GMDS: variants seen among roughly 807,000 people sequenced by gnomAD.
GMDS encodes the protein GDP-mannose 4,6 dehydratase.
Under a neutral mutation model 49.9 loss-of-function variants are expected in GMDS, and 20 were observed. The observed-to-expected ratio is 0.40, with a 90% CI of 0.28 to 0.58. GMDS has a LOEUF of 0.58. Ranked by LOEUF, GMDS falls within the 20% of genes least tolerant of loss-of-function variation. The probability of loss-of-function intolerance (pLI) is 0.42; values close to 1 mark genes in which losing one functional copy is unlikely to be tolerated. For missense variants in GMDS, 362 were observed against 481.4 expected (o/e 0.75, Z 2.32); for synonymous variants, 177 against 178.6 (o/e 0.99, Z 0.07).
At position 2,152,256 on chromosome 6, in the gene GMDS, C is replaced by A. The variant is rs563704761; in HGVS notation, c.103-27525G>T. ...TCTTTAAAATCAAATTGAATTCATT[C>A]AAGGCACTTTATAGGCCAATTTAAT... is the stretch of plus-strand genomic sequence containing the variant. On this transcript the variant is annotated intron_variant, in intron 1 of 10. Transcript: ENST00000380815. 3.4e-3 allele frequency among the ~76,000 whole-genome samples: 519 copies of A among 152,184 alleles called. 1 individual carries two copies. The highest frequency in any genetic ancestry group is 8.9e-3 in the South Asian group (43 of 4,816).
intron 7 of GMDS, among the ~76,000 whole-genome samples, chr6:1,916,815 T>C (rs2113893237): frequency 6.6e-6 from 1 of 152,142 alleles, no homozygotes; most frequent in East Asian, 1.9e-4. Context: ...ACAATGAGGC[T>C]TCTACTGCCA....
chr6:1,670,119 G>A (rs1338981003), intron 9 of GMDS, among the ~76,000 whole-genome samples: 1 of 151,906 alleles, frequency 6.6e-6, no homozygotes, highest in Non-Finnish European at 1.5e-5. Context: ...CCTCAAGTCA[G>A]AGCGCTGCGC....
chr6:2,138,584 T>C (rs557675134), intron 1 of GMDS, among the ~76,000 whole-genome samples: 9 of 152,222 alleles, frequency 5.9e-5, no homozygotes, highest in Middle Eastern at 3.4e-3. Flanking sequence ...TAGTGGGAGG[T>C]GTTTGAGACA....
At chr6:1,861,127 G>T (rs1758162805) in intron 7 of GMDS, among the ~76,000 whole-genome samples, 1 of 152,214 alleles carries the variant, frequency 6.6e-6, no homozygotes, top group African/African-American at 2.4e-5. Flanking sequence ...TTCTGAGCCA[G>T]ATCACTGGAG....
chr6:2,162,759 G>A (rs1170155672), intron 1 of GMDS, among the ~76,000 whole-genome samples: 1 of 150,744 alleles, frequency 6.6e-6, no homozygotes, highest in Non-Finnish European at 1.5e-5. Context: ...TGAGACCCAT[G>A]AGATAAGTAA....
chr6:1,953,888 T>C (rs1763493822), intron 6 of GMDS, among the ~76,000 whole-genome samples: 1 of 152,214 alleles, frequency 6.6e-6, no homozygotes, highest in Non-Finnish European at 1.5e-5. Flanking sequence ...TTAATATCTT[T>C]ATGACAAGTC....
At chr6:1,838,096 T>C (rs1757005355) in intron 7 of GMDS, among the ~76,000 whole-genome samples, 2 of 152,186 alleles carry the variant, frequency 1.3e-5, no homozygotes, top group Admixed American at 6.5e-5. Flanking sequence ...GTTCCATCCT[T>C]GCAGGAAGTC....
intron 4 of GMDS, among the ~76,000 whole-genome samples, chr6:2,105,136 C>T (rs574691287): frequency 1.5e-5 from 2 of 136,108 alleles, no homozygotes; most frequent in South Asian, 4.7e-4. Flanking sequence ...GAGCGGAGAT[C>T]ACGCCACTGC....
intron 7 of GMDS, among the ~76,000 whole-genome samples, chr6:1,775,281 G>C (rs1335389224): frequency 6.6e-6 from 1 of 152,158 alleles, no homozygotes; most frequent in Non-Finnish European, 1.5e-5. Context: ...TACTGGAAGA[G>C]CCAAAACGAT....
chr6:1,810,857 G>A (rs1478410909), intron 7 of GMDS, among the ~76,000 whole-genome samples: 1 of 152,190 alleles, frequency 6.6e-6, no homozygotes, highest in Non-Finnish European at 1.5e-5. Context: ...AGGCATTTTG[G>A]CTTTTAAACA....
intron 7 of GMDS, among the ~76,000 whole-genome samples, chr6:1,878,150 A>G (rs768149203): frequency 5.3e-5 from 8 of 151,902 alleles, no homozygotes; most frequent in African/African-American, 9.7e-5. Flanking sequence ...CGTCTCTACT[A>G]AAAATACACA....
At chr6:2,207,056 T>C (rs1160936224) in intron 1 of GMDS, among the ~76,000 whole-genome samples, 1 of 152,196 alleles carries the variant, frequency 6.6e-6, no homozygotes, top group Non-Finnish European at 1.5e-5. Context: ...CTTTACTCTA[T>C]TAGGATTAGG....
At chr6:2,234,646 C>T (rs1781269390) in intron 1 of GMDS, among the ~76,000 whole-genome samples, 1 of 152,014 alleles carries the variant, frequency 6.6e-6, no homozygotes, top group Admixed American at 6.6e-5. Flanking sequence ...AGCAAACTTA[C>T]AAGATTTGAA....
intron 4 of GMDS, among the ~76,000 whole-genome samples, chr6:2,110,883 G>T (rs1581664360): frequency 6.6e-6 from 1 of 152,116 alleles, no homozygotes; most frequent in Admixed American, 6.5e-5. Flanking sequence ...CGCTGAGAAA[G>T]AATTTGAAAA....
At chr6:2,221,469 C>T (rs894783362) in intron 1 of GMDS, among the ~76,000 whole-genome samples, 1 of 152,138 alleles carries the variant, frequency 6.6e-6, no homozygotes, top group Non-Finnish European at 1.5e-5. Flanking sequence ...CAAGCTCCGC[C>T]TCCCGGCCTC....
chr6:1,905,241 C>G (rs979835954), intron 7 of GMDS, among the ~76,000 whole-genome samples: 2 of 152,250 alleles, frequency 1.3e-5, no homozygotes, highest in Admixed American at 1.3e-4. Context: ...GCCGAGGGCA[C>G]TGGCCGGTGT....
chr6:2,078,204 T>G (rs925940591), intron 4 of GMDS, among the ~76,000 whole-genome samples: 5 of 152,114 alleles, frequency 3.3e-5, no homozygotes, highest in African/African-American at 1.2e-4. Flanking sequence ...CAATTTTGTG[T>G]CTTTTCAAAG....
intron 7 of GMDS, among the ~76,000 whole-genome samples, chr6:1,887,944 T>A (rs1473531784): frequency 6.6e-6 from 1 of 151,886 alleles, no homozygotes; most frequent in Non-Finnish European, 1.5e-5. Flanking sequence ...AGTTTTTAGG[T>A]TTTTTTGTTT....
chr6:2,074,665 AAATT>A (rs1387313506), intron 4 of GMDS, among the ~76,000 whole-genome samples: 3 of 152,138 alleles, frequency 2.0e-5, no homozygotes, highest in African/African-American at 4.8e-5. Flanking sequence ...GTCTTTTAAA[AAATT>A]AATTATTTAT....
Sources: gnomAD v4.1 joint callset for allele counts (sites outside exome capture counted in the v4.1 genomes callset) on GRCh38, gnomAD v4.1.1 for gene constraint, MANE v1.5 for transcripts, NCBI Gene and HGNC (gene_info 2026-07-23, HGNC 2026-07-21) for gene names.